CFAP221: variants seen among roughly 807,000 people sequenced by gnomAD.
CFAP221 encodes cilia- and flagella-associated protein 221.
A neutral mutation model predicts 113.1 loss-of-function variants in CFAP221; 97 were observed. The ratio of observed to expected loss-of-function variants is 0.86; its 90% CI spans 0.73 to 1.02. CFAP221 has a LOEUF of 1.02. Ranked by LOEUF, CFAP221 falls within the 50% of genes least tolerant of loss-of-function variation. CFAP221 has a pLI of 0.00. For missense variants in CFAP221, 1,025 were observed against 1,013.4 expected (o/e 1.01, Z -0.16); for synonymous variants, 331 against 354.4 (o/e 0.93, Z 0.74).
intron 3 of CFAP221, among the ~76,000 whole-genome samples, chr2:119,558,102 A>G (rs113240942): frequency 5.4e-4 from 83 of 152,304 alleles, no homozygotes; most frequent in African/African-American, 1.9e-3. Flanking sequence ...AAGTAATAAC[A>G]GATGATAGAA....
chr2:119,656,558 A>G lies in CFAP221; in HGVS notation c.*88A>G. 1 of 821,854 alleles carries G rather than the reference A, an allele frequency of 1.2e-6. No individual in the cohort carries two copies. The highest frequency in any genetic ancestry group is 2.0e-6 in the Non-Finnish European group (1 of 499,670). 50.9% of individuals were successfully genotyped at this position (821,854 alleles called of 1,614,324 possible). On this transcript the variant is annotated 3_prime_UTR_variant, in exon 24 of 24. Transcript: ENST00000413369. ...CATTTACATGCCAGCCATCTCTGCA[A>G]TTAAAGTTTCTGGATAAAAAAATGA...
intron 2 of CFAP221, among the ~76,000 whole-genome samples, chr2:119,548,719 T>G (rs1219206045): frequency 6.6e-6 from 1 of 152,252 alleles, no homozygotes; most frequent in Non-Finnish European, 1.5e-5. Context: ...ATTCATTATG[T>G]AATAAGTAAT....
rs143795130 is a variant in CFAP221 at position 119,547,123 on chromosome 2, G to C, written c.139+853G>C. Reference sequence around the variant, plus strand: ...CCATCTCAAATGTGAGGACATAATAGTGTATTTGGATATGCTTCTTTTGTC... The same window carrying C: ...CCATCTCAAATGTGAGGACATAATACTGTATTTGGATATGCTTCTTTTGTC... On this transcript the variant is annotated intron_variant, in intron 2 of 23. Coordinates refer to ENST00000413369, the MANE Select transcript of CFAP221 (RefSeq NM_001271049.2). Among the ~76,000 whole-genome samples, 98 of 152,324 alleles carry C rather than the reference G, an allele frequency of 6.4e-4. 1 individual carries two copies. Among genetic ancestry groups the C allele is most frequent in the African/African-American group, 2.2e-3 (92 of 41,578 alleles).
intron 16 of CFAP221, among the ~76,000 whole-genome samples, chr2:119,628,432 G>T (rs764932306): frequency 2.0e-5 from 3 of 151,860 alleles, no homozygotes; most frequent in Non-Finnish European, 4.4e-5. Flanking sequence ...TAACCCTTAG[G>T]TTGTATTTAC....
At chr2:119,555,003 A>G (rs988467036) in intron 3 of CFAP221, among the ~76,000 whole-genome samples, 2 of 152,178 alleles carry the variant, frequency 1.3e-5, no homozygotes, top group Admixed American at 1.3e-4. Context: ...CATTCCCTCT[A>G]GAAGGAGGAG....
At chr2:119,577,844 T>C (rs908802487) in intron 6 of CFAP221, among the ~76,000 whole-genome samples, 1 of 152,244 alleles carries the variant, frequency 6.6e-6, no homozygotes, top group Non-Finnish European at 1.5e-5. Context: ...GAATGTTCTT[T>C]GGTTTCCTTT....
intron 7 of CFAP221, among the ~76,000 whole-genome samples, chr2:119,593,657 G>C (rs1683748925): frequency 6.6e-6 from 1 of 152,150 alleles, no homozygotes; most frequent in Non-Finnish European, 1.5e-5. Flanking sequence ...GGCTAACACA[G>C]TGAAACCCTG....
chr2:119,646,917 G>A (rs1687845883), intron 21 of CFAP221, 41 bp from the exon 22 acceptor site: 2 of 1,538,658 alleles, frequency 1.3e-6, no homozygotes, highest in Non-Finnish European at 1.8e-6. Flanking sequence ...AAGACTTCTA[G>A]TGTGACTCTA....
intron 19 of CFAP221, among the ~76,000 whole-genome samples, chr2:119,636,941 G>A (rs1558985152): frequency 1.3e-5 from 2 of 152,112 alleles, no homozygotes; most frequent in Admixed American, 6.6e-5. Context: ...AAGAGAGGCG[G>A]CCACATGGCA....
chr2:119,640,344 C>T (rs1476851074), intron 21 of CFAP221, among the ~76,000 whole-genome samples: 1 of 152,184 alleles, frequency 6.6e-6, no homozygotes, highest in Non-Finnish European at 1.5e-5. Flanking sequence ...ATGGCAATCC[C>T]CACACAGAAA....
intron 14 of CFAP221, among the ~76,000 whole-genome samples, chr2:119,619,533 A>G (rs188097913): frequency 5.7e-4 from 87 of 152,342 alleles, no homozygotes; most frequent in Admixed American, 2.5e-3. Flanking sequence ...ACAGAAAGGA[A>G]TAGCATCAAC....
intron 6 of CFAP221, chr2:119,580,098 G>A (rs148651553): frequency 1.3e-5 from 2 of 152,256 alleles, no homozygotes; most frequent in Admixed American, 6.5e-5. Flanking sequence ...TCTACCCAGC[G>A]CTGGTAGAAT....
At chr2:119,655,490 A>G (rs1225376597) in intron 23 of CFAP221, among the ~76,000 whole-genome samples, 1 of 152,202 alleles carries the variant, frequency 6.6e-6, no homozygotes, top group Non-Finnish European at 1.5e-5. Context: ...ACTGTCAGCC[A>G]TTTGCCAAAC....
intron 14 of CFAP221, among the ~76,000 whole-genome samples, chr2:119,622,588 T>G (rs1315267439): frequency 6.6e-6 from 1 of 152,050 alleles, no homozygotes; most frequent in Non-Finnish European, 1.5e-5. Flanking sequence ...CAGGCCAATA[T>G]CCCTGATGAA....
At chr2:119,568,501 TC>T (rs1574021092) in intron 6 of CFAP221, among the ~76,000 whole-genome samples, 1 of 151,724 alleles carries the variant, frequency 6.6e-6, no homozygotes, top group East Asian at 2.0e-4. Context: ...GCCCCCCACC[TC>T]CCGACAGGCC....
At chr2:119,612,626 G>T (rs1250024777) in intron 13 of CFAP221, among the ~76,000 whole-genome samples, 1 of 152,122 alleles carries the variant, frequency 6.6e-6, no homozygotes, top group East Asian at 1.9e-4. Flanking sequence ...ATATCATTCT[G>T]CCTCTGGCCC....
At chr2:119,559,631 A>G (rs775626229) in intron 3 of CFAP221, 58 bp from the exon 4 acceptor site, 18 of 1,345,110 alleles carry the variant, frequency 1.3e-5, no homozygotes, top group Non-Finnish European at 1.7e-5. Context: ...TACATAAATG[A>G]GGTGAGTATG....
rs981002406 is a variant in CFAP221 at position 119,605,401 on chromosome 2, A to G, written c.1133+112A>G. 9 of 831,114 alleles carry G rather than the reference A, an allele frequency of 1.1e-5. No homozygotes were observed. In the South Asian group the frequency reaches 1.4e-4, roughly 13 times the overall value. The allele number at this position is 831,114 out of a possible 1,614,324, so 51.5% of individuals were successfully genotyped here. A position where few individuals can be genotyped will look rare whatever the true frequency, so the allele number is the denominator to read the frequency against. The stretch of plus-strand genomic sequence containing the variant: ...AATAACCTTTTAGGTACTTTGGAGA[A>G]TTTAATGATTGTTTCACTGCCAGTG... On this transcript the variant is annotated intron_variant, in intron 11 of 23. Transcript: ENST00000413369.
chr2:119,624,247 T>G (rs1469222990), intron 14 of CFAP221, among the ~76,000 whole-genome samples: 3 of 152,210 alleles, frequency 2.0e-5, no homozygotes, highest in Non-Finnish European at 4.4e-5. Context: ...GATGTTTATG[T>G]GGCCAACAAA....
Sources: allele counts gnomAD v4.1 joint callset (sites outside exome capture counted in the v4.1 genomes callset), GRCh38; gene constraint gnomAD v4.1.1; transcripts MANE v1.5; gene names NCBI Gene and HGNC (gene_info 2026-07-23, HGNC 2026-07-21).